The following RCL1 variants were observed in gnomAD, a reference collection of about 807,000 sequenced individuals.
RCL1 encodes RNA 3'-terminal phosphate cyclase-like protein.
RCL1 carries 24 observed loss-of-function variants against 42.4 expected under a neutral mutation model. The observed-to-expected ratio is 0.57, with a 90% CI of 0.41 to 0.80. The LOEUF is 0.80. Among genes scored for constraint, RCL1 ranks in the 30% least tolerant of loss-of-function variants. The pLI, the probability that RCL1 is intolerant of heterozygous loss-of-function variation, is 0.00. For missense variants in RCL1, 578 were observed against 467.9 expected (o/e 1.24, Z -2.17); for synonymous variants, 228 against 177.3 (o/e 1.29, Z -2.27).
At chr9:4,817,590 C>G (rs990452085) in intron 1 of RCL1, among the ~76,000 whole-genome samples, 1 of 151,958 alleles carries the variant, frequency 6.6e-6, no homozygotes, top group Non-Finnish European at 1.5e-5. Flanking sequence ...CCTCCTGCCT[C>G]AGCTCTACCT....
chr9:4,833,126 A>T lies in RCL1; in HGVS notation c.385-28A>T, dbSNP rs1042482499. ...TGTATTCTGCTGAAGGCTTAATTAA[A>T]CTTTTCTTTTCTGAAATAATTTCAT... On this transcript the variant is annotated intron_variant, in intron 3 of 8. Transcript: ENST00000381750. The T allele has an allele frequency of 5.8e-6, 9 of 1,541,508 alleles. No individual in the cohort carries two copies. The African/African-American group carries it at 1.2e-4, about 21-fold the overall frequency.
At chr9:4,826,774 C>T in intron 2 of RCL1, 84 bp from the exon 3 acceptor site, 2 of 1,224,492 alleles carry the variant, frequency 1.6e-6, no homozygotes, top group South Asian at 1.5e-5. Flanking sequence ...TCAGGCTTTC[C>T]CCTTGGAACT....
At chr9:4,834,028 A>G in intron 4 of RCL1, 113 bp from the exon 5 acceptor site, 2 of 1,168,690 alleles carry the variant, frequency 1.7e-6, no homozygotes, top group South Asian at 1.5e-5. Context: ...TGAATATGGA[A>G]GAGCTATGCC....
At chr9:4,815,649 G>A (rs1816347190) in intron 1 of RCL1, among the ~76,000 whole-genome samples, 1 of 151,864 alleles carries the variant, frequency 6.6e-6, no homozygotes, top group African/African-American at 2.4e-5. Context: ...GAAAAGGGGA[G>A]TTTTTGCTGC....
rs1818134832 is a variant in RCL1 at position 4,860,440 on chromosome 9, T to C, written c.*165T>C. On this transcript the variant is annotated 3_prime_UTR_variant, in exon 9 of 9. Coordinates refer to ENST00000381750, the MANE Select transcript of RCL1 (RefSeq NM_005772.5). ...AAATAAAAGACATCCCTGTAGCATA[T>C]GGTTTCCAGCTGTTTCTCCAGTGGC... 1.3e-6 allele frequency: 1 copy of C among 772,202 alleles called. No homozygotes were observed. The highest frequency in any genetic ancestry group is 2.2e-5 in the South Asian group (1 of 44,814). 47.8% of individuals were successfully genotyped at this position (772,202 alleles called of 1,614,324 possible).
At chr9:4,850,396 T>C (rs1350866120) in intron 8 of RCL1, 1 of 524,378 alleles carries the variant, frequency 1.9e-6, no homozygotes, top group Non-Finnish European at 4.0e-6. Context: ...TGAGAAAGGG[T>C]TGAGGACTGC....
At chr9:4,850,265 G>A (rs1476821720) in intron 8 of RCL1, 1 of 528,502 alleles carries the variant, frequency 1.9e-6, no homozygotes, top group Non-Finnish European at 3.9e-6. Flanking sequence ...TGAGCTGGGT[G>A]GCAGGGAATA....
chr9:4,843,229 C>A (rs911331470), intron 6 of RCL1, among the ~76,000 whole-genome samples: 1 of 152,020 alleles, frequency 6.6e-6, no homozygotes, highest in Non-Finnish European at 1.5e-5. Flanking sequence ...GTGAAGTATC[C>A]AGTAAGTCAG....
At chr9:4,793,278 C>T in intron 1 of RCL1, 51 bp downstream of exon 1, 2 of 1,535,028 alleles carry the variant, frequency 1.3e-6, no homozygotes, top group Non-Finnish European at 8.8e-7. Flanking sequence ...TGAGGGGAGA[C>T]CGAGCTGATG....
chr9:4,812,652 G>T (rs1816219771), intron 1 of RCL1, among the ~76,000 whole-genome samples: 1 of 151,012 alleles, frequency 6.6e-6, no homozygotes, highest in Middle Eastern at 3.4e-3. Context: ...TGAATATTAG[G>T]TTTTTTTTTC....
intron 7 of RCL1, among the ~76,000 whole-genome samples, chr9:4,848,400 G>A (rs1444624492): frequency 6.6e-6 from 1 of 152,142 alleles, no homozygotes; most frequent in Non-Finnish European, 1.5e-5. Context: ...GAATTTCAGA[G>A]TGTCTGTATC....
chr9:4,822,651 C>T (rs1315123146), intron 1 of RCL1, among the ~76,000 whole-genome samples: 1 of 151,902 alleles, frequency 6.6e-6, no homozygotes, highest in Non-Finnish European at 1.5e-5. Context: ...GACCCTATCT[C>T]TACAAAAATA....
intron 1 of RCL1, among the ~76,000 whole-genome samples, chr9:4,822,366 G>A (rs1816622993): frequency 6.6e-6 from 1 of 152,232 alleles, no homozygotes; most frequent in South Asian, 2.1e-4. Flanking sequence ...TCATGGGCAG[G>A]AAGTTAAAAC....
intron 8 of RCL1, among the ~76,000 whole-genome samples, chr9:4,849,780 A>G (rs550995989): frequency 2.0e-5 from 3 of 152,232 alleles, no homozygotes; most frequent in South Asian, 2.1e-4. Flanking sequence ...CATGATCTCT[A>G]TTGGGCAGTT....
At chr9:4,850,189 A>G in intron 8 of RCL1, 2 of 438,194 alleles carry the variant, frequency 4.6e-6, no homozygotes, top group South Asian at 3.5e-5. Context: ...GAGTACTGAC[A>G]TTGTGTGTGT....
chr9:4,826,832 T>C (rs376125815), intron 2 of RCL1, 26 bp from the exon 3 acceptor site: 7 of 1,578,014 alleles, frequency 4.4e-6, no homozygotes, highest in Non-Finnish European at 6.0e-6. Context: ...TCCTGCTGAA[T>C]GTGGCTCTTT....
chr9:4,818,207 C>T (rs1484121071), intron 1 of RCL1, among the ~76,000 whole-genome samples: 3 of 152,078 alleles, frequency 2.0e-5, no homozygotes, highest in East Asian at 3.9e-4. Flanking sequence ...AGGCATAAGC[C>T]ACCGCGCCCG....
chr9:4,841,316 C>T lies in RCL1; in HGVS notation c.669C>T (p.Ile223=). ...RSILNKFIPD[I]YIYTDHMKGV... ...TCCTCAACAAGTTCATACCTGATAT[C>T]TATATTTACACAGATCACATGAAAG... The change falls in exon 6 of 9, where the codon ATC becomes ATT. Residue 223 remains isoleucine, a synonymous_variant. Coordinates refer to ENST00000381750, the MANE Select transcript of RCL1 (RefSeq NM_005772.5). 6.2e-7 allele frequency: 1 copy of T among 1,613,138 alleles called. No individual in the cohort carries two copies. The highest frequency in any genetic ancestry group is 8.5e-7 in the Non-Finnish European group (1 of 1,179,114).
chr9:4,837,583 A>G (rs1290754968), intron 5 of RCL1, among the ~76,000 whole-genome samples: 1 of 152,208 alleles, frequency 6.6e-6, no homozygotes, highest in African/African-American at 2.4e-5. Context: ...CAATCTTGTC[A>G]TAACAACATG....
Sources: allele counts gnomAD v4.1 joint callset (sites outside exome capture counted in the v4.1 genomes callset), GRCh38; gene constraint gnomAD v4.1.1; transcripts MANE v1.5; gene names NCBI Gene and HGNC (gene_info 2026-07-23, HGNC 2026-07-21).